Variants in WIF1 observed in about 807,000 individuals in gnomAD.
The protein encoded by WIF1 is Wnt inhibitory factor 1.
In WIF1, 35 loss-of-function variants were observed where a neutral mutation model predicts 53.5. That is an observed-to-expected ratio of 0.65 (90% CI 0.50 to 0.87). The LOEUF (loss-of-function observed/expected upper bound fraction) is 0.87. Ranked by LOEUF, WIF1 falls within the 40% of genes least tolerant of loss-of-function variation. The probability of loss-of-function intolerance (pLI) is 0.00; values close to 1 mark genes in which losing one functional copy is unlikely to be tolerated. For synonymous variants in WIF1, 171 were observed against 170.4 expected, an observed-to-expected ratio of 1.00 and a Z score of -0.03; for missense variants, 467 against 476.8, an observed-to-expected ratio of 0.98 and a Z score of 0.19.
chr12:65,119,940 GA>G (rs1436921592), intron 2 of WIF1, among the ~76,000 whole-genome samples: 1 of 152,178 alleles, frequency 6.6e-6, no homozygotes, highest in Non-Finnish European at 1.5e-5. Context: ...ACTTCTACCA[GA>G]AATATGCAAC....
intron 2 of WIF1, among the ~76,000 whole-genome samples, chr12:65,093,031 C>T (rs145705294): frequency 6.6e-6 from 1 of 152,124 alleles, no homozygotes; most frequent in East Asian, 1.9e-4. Context: ...AGAATATTAA[C>T]TTTAAATAAG....
At chr12:65,088,016 A>T (rs1471405110) in intron 2 of WIF1, among the ~76,000 whole-genome samples, 2 of 152,166 alleles carry the variant, frequency 1.3e-5, no homozygotes, top group African/African-American at 2.4e-5. Flanking sequence ...ATCATTTGCT[A>T]TTTAAAAGTT....
intron 7 of WIF1, among the ~76,000 whole-genome samples, chr12:65,061,408 A>C (rs7310803): frequency 0.97 from 148,405 of 152,308 alleles, 72,347 homozygotes; most frequent in East Asian, 1. Flanking sequence ...TTCCCTCAAC[A>C]AACATATCAA....
At chr12:65,100,121 T>C (rs1199526732) in intron 2 of WIF1, among the ~76,000 whole-genome samples, 1 of 152,218 alleles carries the variant, frequency 6.6e-6, no homozygotes, top group Non-Finnish European at 1.5e-5. Flanking sequence ...GTAGAAAATA[T>C]GCTTCCTTAT....
intron 2 of WIF1, among the ~76,000 whole-genome samples, chr12:65,113,785 A>G (rs991844582): frequency 6.6e-6 from 1 of 152,174 alleles, no homozygotes; most frequent in Non-Finnish European, 1.5e-5. Context: ...CAGAATCTAA[A>G]CGTTAAAGGT....
In WIF1 at chr12:65,062,514, G is replaced by A. The variant is rs768943759; in HGVS notation, c.793C>T (p.Pro265Ser). The A allele has an allele frequency of 3.1e-6, 5 of 1,608,492 alleles. No homozygotes were observed. Among genetic ancestry groups the A allele is most frequent in the Non-Finnish European group, 4.2e-6 (5 of 1,177,020 alleles). ...CACTGCTCTCCCTCTAGTCCTGGAG[G>A]GCAAATACATTTTCCAGGGTAGAAA... ...TCFYPGKCICPPGLEGEQCEI... is the reference protein window; with the variant it reads ...TCFYPGKCICSPGLEGEQCEI... The change falls in exon 7 of 10, where the codon CCT becomes TCT. Residue 265 changes from proline to serine, a missense_variant. By Grantham distance (74) the Pro-to-Ser change is moderately conservative. Coordinates refer to ENST00000286574, the MANE Select transcript of WIF1 (RefSeq NM_007191.5).
intron 3 of WIF1, 32 bp from the exon 4 acceptor site, chr12:65,068,936 T>G (rs1425387255): frequency 6.2e-7 from 1 of 1,603,530 alleles, no homozygotes; most frequent in African/African-American, 1.3e-5. Context: ...TGTGGAGAAA[T>G]AGTTAATCTA....
intron 2 of WIF1, among the ~76,000 whole-genome samples, chr12:65,086,711 T>TC (rs1260195485): frequency 6.6e-6 from 1 of 150,966 alleles, no homozygotes; most frequent in East Asian, 1.9e-4. Flanking sequence ...TTCTTTTTTT[T>TC]TTTTTTTCAT....
At chr12:65,088,655 A>G (rs931455575) in intron 2 of WIF1, among the ~76,000 whole-genome samples, 1 of 152,060 alleles carries the variant, frequency 6.6e-6, no homozygotes, top group Non-Finnish European at 1.5e-5. Context: ...CCTGTCTTCT[A>G]TGAAATTTTT....
At chr12:65,060,928 A>C (rs368797312) in intron 7 of WIF1, among the ~76,000 whole-genome samples, 1 of 152,186 alleles carries the variant, frequency 6.6e-6, no homozygotes. Context: ...CCAAGAATAC[A>C]AAACATTGTC....
At chr12:65,091,194 C>G (rs550642485) in intron 2 of WIF1, among the ~76,000 whole-genome samples, 1 of 151,510 alleles carries the variant, frequency 6.6e-6, no homozygotes, top group Non-Finnish European at 1.5e-5. Context: ...AAAATCCAGA[C>G]TATAGAAAAC....
At chr12:65,115,731 G>A (rs1188529714) in intron 2 of WIF1, among the ~76,000 whole-genome samples, 1 of 152,176 alleles carries the variant, frequency 6.6e-6, no homozygotes, top group Non-Finnish European at 1.5e-5. Flanking sequence ...CAGAAAATGA[G>A]TATCAGAAGG....
chr12:65,098,442 T>A (rs1281028382), intron 2 of WIF1, among the ~76,000 whole-genome samples: 1 of 152,128 alleles, frequency 6.6e-6, no homozygotes, highest in Non-Finnish European at 1.5e-5. Context: ...CAGGTTAAGT[T>A]ACATTTCCAA....
intron 7 of WIF1, among the ~76,000 whole-genome samples, chr12:65,057,621 T>C (rs1263210800): frequency 6.6e-6 from 1 of 152,170 alleles, no homozygotes; most frequent in Non-Finnish European, 1.5e-5. Context: ...TTGCTTTTGT[T>C]GTTCTTTTTC....
chr12:65,070,142 G>A (rs758055464), intron 3 of WIF1, among the ~76,000 whole-genome samples: 71 of 152,106 alleles, frequency 4.7e-4, no homozygotes, highest in Non-Finnish European at 8.2e-4. Context: ...ACACAAGCTG[G>A]TCATACAATT....
intron 2 of WIF1, among the ~76,000 whole-genome samples, chr12:65,117,420 T>C (rs950167319): frequency 3.3e-5 from 5 of 152,202 alleles, no homozygotes; most frequent in Non-Finnish European, 7.3e-5. Context: ...TTGCATTTGT[T>C]TGAAGTGGAA....
rs879907067 is a variant in WIF1 at position 65,064,588 on chromosome 12, AT to A, written c.731-2013del. 6.1e-3 allele frequency among the ~76,000 whole-genome samples: 911 copies of A among 148,232 alleles called. 6 individuals are homozygous for A. The highest frequency in any genetic ancestry group is 0.018 in the African/African-American group (749 of 40,720). ...AAAGCATCTTTTTGTTGAGGTAGAAATTTTTTTTTTTTAATATTCCCAGATC... is the reference window on the plus strand; with the variant it reads ...AAAGCATCTTTTTGTTGAGGTAGAAATTTTTTTTTTTAATATTCCCAGATC... On this transcript the variant is annotated intron_variant, in intron 6 of 9. Coordinates refer to ENST00000286574, the MANE Select transcript of WIF1 (RefSeq NM_007191.5).
At chr12:65,112,633 G>T (rs73312851) in intron 2 of WIF1, among the ~76,000 whole-genome samples, 8 of 152,138 alleles carry the variant, frequency 5.3e-5, no homozygotes, top group Middle Eastern at 3.4e-3. Context: ...ACTTCCCTGA[G>T]TTGTTTCTAT....
At chr12:65,089,283 A>G (rs1346799145) in intron 2 of WIF1, among the ~76,000 whole-genome samples, 3 of 152,104 alleles carry the variant, frequency 2.0e-5, no homozygotes, top group Admixed American at 1.3e-4. Context: ...TAGACTCCAA[A>G]CTTCTTTCTT....
Sources: allele counts gnomAD v4.1 joint callset (sites outside exome capture counted in the v4.1 genomes callset), GRCh38; gene constraint gnomAD v4.1.1; transcripts MANE v1.5; gene names NCBI Gene and HGNC (gene_info 2026-07-23, HGNC 2026-07-21).